IMMP2L: variants seen among roughly 807,000 people sequenced by gnomAD.
The protein encoded by IMMP2L is mitochondrial inner membrane protease subunit 2.
A neutral mutation model predicts 19.3 loss-of-function variants in IMMP2L; 18 were observed. That is an observed-to-expected ratio of 0.93 (90% CI 0.64 to 1.38). IMMP2L has a LOEUF of 1.38. IMMP2L is among the 40% of genes most tolerant of loss of function. The probability of loss-of-function intolerance (pLI) is 0.00; values close to 1 mark genes in which losing one functional copy is unlikely to be tolerated. For synonymous variants in IMMP2L, 76 were observed against 73.0 expected, an observed-to-expected ratio of 1.04 and a Z score of -0.21; for missense variants, 233 against 218.2, an observed-to-expected ratio of 1.07 and a Z score of -0.43.
At chr7:110,882,748 T>C (rs2129545113) in intron 5 of IMMP2L, among the ~76,000 whole-genome samples, 1 of 151,712 alleles carries the variant, frequency 6.6e-6, no homozygotes. Flanking sequence ...ATCTACTGTT[T>C]TTTTTTGTTT....
chr7:111,211,319 C>G lies in IMMP2L; in HGVS notation c.240-247754G>C, dbSNP rs1003297198. Among the ~76,000 whole-genome samples the G allele has an allele frequency of 4.0e-5, 6 of 151,638 alleles. No individual in the cohort carries two copies. The East Asian group carries it at 1.2e-3, about 29-fold the overall frequency. ...ATGACTCTATGCGGAACTACAAAAG[C>G]AAAGTGTGGAAAGAAGAAAGCAATG... On this transcript the variant is annotated intron_variant, in intron 3 of 5. Coordinates refer to ENST00000405709, the MANE Select transcript of IMMP2L (RefSeq NM_032549.4).
At chr7:110,959,705 C>T (rs1351525049) in intron 4 of IMMP2L, among the ~76,000 whole-genome samples, 1 of 151,846 alleles carries the variant, frequency 6.6e-6, no homozygotes, top group African/African-American at 2.4e-5. Context: ...TTTTTCATTG[C>T]TACATGATAG....
chr7:111,414,837 C>G (rs1834811767), intron 3 of IMMP2L, among the ~76,000 whole-genome samples: 1 of 151,694 alleles, frequency 6.6e-6, no homozygotes, highest in Non-Finnish European at 1.5e-5. Context: ...TAAAAAAACA[C>G]ATTTTCAAAT....
intron 3 of IMMP2L, among the ~76,000 whole-genome samples, chr7:111,484,345 C>T (rs980891404): frequency 1.3e-5 from 2 of 152,040 alleles, no homozygotes; most frequent in African/African-American, 4.8e-5. Context: ...GAAAAGCACA[C>T]ATAATATTAT....
chr7:110,912,572 G>A (rs981109176), intron 4 of IMMP2L, among the ~76,000 whole-genome samples: 1 of 151,592 alleles, frequency 6.6e-6, no homozygotes, highest in South Asian at 2.1e-4. Flanking sequence ...AATTATAGAA[G>A]GAGACACATT....
At chr7:111,529,882 T>C (rs1563317447) in intron 1 of IMMP2L, among the ~76,000 whole-genome samples, 1 of 152,150 alleles carries the variant, frequency 6.6e-6, no homozygotes, top group Non-Finnish European at 1.5e-5. Flanking sequence ...GTACAACTGA[T>C]GTAGAGAGAA....
At chr7:110,900,352 A>G (rs1418981945) in intron 4 of IMMP2L, among the ~76,000 whole-genome samples, 1 of 152,178 alleles carries the variant, frequency 6.6e-6, no homozygotes, top group African/African-American at 2.4e-5. Flanking sequence ...CATAGCAAAA[A>G]AGGCAAAAAA....
chr7:111,063,816 G>A (rs555065462), intron 3 of IMMP2L, among the ~76,000 whole-genome samples: 19 of 152,226 alleles, frequency 1.2e-4, no homozygotes, highest in Non-Finnish European at 5.9e-5. Context: ...CTCTATCTGA[G>A]ACCACCTCAG....
At chr7:111,456,249 C>T (rs1435138896) in intron 3 of IMMP2L, among the ~76,000 whole-genome samples, 2 of 151,884 alleles carry the variant, frequency 1.3e-5, no homozygotes, top group Non-Finnish European at 2.9e-5. Flanking sequence ...TGGTCTCTAG[C>T]AGAAGGGCAA....
At chr7:110,686,201 G>A (rs888594245) in intron 5 of IMMP2L, among the ~76,000 whole-genome samples, 5 of 152,016 alleles carry the variant, frequency 3.3e-5, no homozygotes, top group African/African-American at 1.2e-4. Flanking sequence ...CTGCTAAAAA[G>A]TCTTCTCTGC....
At chr7:111,387,446 A>T (rs1831870328) in intron 3 of IMMP2L, among the ~76,000 whole-genome samples, 1 of 152,196 alleles carries the variant, frequency 6.6e-6, no homozygotes, top group Non-Finnish European at 1.5e-5. Flanking sequence ...GCAAACCAAT[A>T]AACAAGGTTC....
At chr7:111,459,410 TACA>T (rs1176175035) in intron 3 of IMMP2L, among the ~76,000 whole-genome samples, 1 of 152,096 alleles carries the variant, frequency 6.6e-6, no homozygotes, top group Non-Finnish European at 1.5e-5. Context: ...GCACTAGTAA[TACA>T]ACAATGATAA....
chr7:111,191,096 G>A lies in IMMP2L; in HGVS notation c.240-227531C>T, dbSNP rs138454634. ...GAGAAGCAACAAAAGCATACTGCCT[G>A]ACTCACAACTATTTCCAAGGCCAGC... On this transcript the variant is annotated intron_variant, in intron 3 of 5. Coordinates refer to ENST00000405709, the MANE Select transcript of IMMP2L (RefSeq NM_032549.4). Among the ~76,000 whole-genome samples, 383 of 152,194 alleles carry A rather than the reference G, an allele frequency of 2.5e-3. 2 individuals are homozygous for A. The highest frequency in any genetic ancestry group is 8.9e-3 in the African/African-American group (368 of 41,506).
At chr7:110,764,632 G>T (rs1168136998) in intron 5 of IMMP2L, among the ~76,000 whole-genome samples, 1 of 152,012 alleles carries the variant, frequency 6.6e-6, no homozygotes, top group African/African-American at 2.4e-5. Context: ...TGAAATATTT[G>T]CTCATAAGGT....
At position 110,877,696 on chromosome 7, in the gene IMMP2L, C is replaced by T. The variant is rs542738670; in HGVS notation, c.408+8897G>A. On this transcript the variant is annotated intron_variant, in intron 5 of 5. Transcript: ENST00000405709. This position sits in a 1 kb window ranked among gnomAD's most constrained non-coding sequence, Gnocchi z 4.0. The stretch of plus-strand genomic sequence containing the variant: ...GGCAAGAGGCACTACTTTTTTGGTG[C>T]CTGTGTTTTTGAGAAACCTGCACAT... Among the ~76,000 whole-genome samples, 33 of 152,100 alleles carry T rather than the reference C, an allele frequency of 2.2e-4. No individual in the cohort carries two copies. The highest frequency in any genetic ancestry group is 7.5e-4 in the African/African-American group (31 of 41,524).
chr7:110,774,979 T>C (rs1489384010), intron 5 of IMMP2L, among the ~76,000 whole-genome samples: 1 of 152,022 alleles, frequency 6.6e-6, no homozygotes, highest in Non-Finnish European at 1.5e-5. Context: ...GGCAAATCCA[T>C]AGGATGGAAT....
intron 2 of IMMP2L, among the ~76,000 whole-genome samples, chr7:111,519,233 T>C (rs1253119681): frequency 6.6e-6 from 1 of 152,148 alleles, no homozygotes; most frequent in Non-Finnish European, 1.5e-5. Context: ...CTGAGAGAAC[T>C]AAGCCAAGAT....
chr7:111,267,338 A>G lies in IMMP2L; in HGVS notation c.239+219900T>C, dbSNP rs73714697. Among the ~76,000 whole-genome samples, 1,179 of 152,294 alleles carry G rather than the reference A, an allele frequency of 7.7e-3. 17 individuals carry two copies. Among genetic ancestry groups the G allele is most frequent in the African/African-American group, 0.027 (1,133 of 41,566 alleles). Reference sequence around the variant, plus strand: ...AAAACAATTGTAAAGTCCTTTGAAAATGTAAAATTACTAAGATTTATTCAA... The same window carrying G: ...AAAACAATTGTAAAGTCCTTTGAAAGTGTAAAATTACTAAGATTTATTCAA... On this transcript the variant is annotated intron_variant, in intron 3 of 5. Coordinates refer to ENST00000405709, the MANE Select transcript of IMMP2L (RefSeq NM_032549.4).
intron 3 of IMMP2L, among the ~76,000 whole-genome samples, chr7:111,364,306 G>T (rs1377971353): frequency 6.6e-6 from 1 of 151,842 alleles, no homozygotes. Context: ...TATGTCATCT[G>T]CTAGTTATCA....
Sources: allele counts gnomAD v4.1 joint callset (sites outside exome capture counted in the v4.1 genomes callset), GRCh38; gene constraint gnomAD v4.1.1; non-coding constraint Gnocchi (gnomAD v3.1); transcripts MANE v1.5; gene names NCBI Gene and HGNC (gene_info 2026-07-23, HGNC 2026-07-21).